GCN1: variants seen among roughly 807,000 people sequenced by gnomAD.
GCN1 encodes GCN1 activator of EIF2AK4.
GCN1 carries 90 observed loss-of-function variants against 288.4 expected under a neutral mutation model. That is an observed-to-expected ratio of 0.31 (90% CI 0.26 to 0.37). The LOEUF (loss-of-function observed/expected upper bound fraction) is 0.37. Ranked by LOEUF, GCN1 falls within the 10% of genes least tolerant of loss-of-function variation. GCN1 has a pLI of 1.00. For synonymous variants in GCN1, 1,386 were observed against 1,420.2 expected (o/e 0.98, Z 0.54); for missense variants, 2,586 against 3,419.9 (o/e 0.76, Z 6.08).
Position 120,153,091 on chromosome 12 carries a change from A to T in GCN1, c.4062+122T>A. On this transcript the variant is annotated intron_variant, in intron 33 of 57. Transcript: ENST00000300648. This position sits in a 1 kb window ranked among gnomAD's most constrained non-coding sequence, Gnocchi z 4.4. ...CCCCTGCGAGAGGGGGTGAATCCTT[A>T]ACAAGAACTGGGCTTTCAGGGCCCT... 1.3e-6 allele frequency: 1 copy of T among 756,594 alleles called. No homozygotes were observed. Among genetic ancestry groups the T allele is most frequent in the Non-Finnish European group, 2.2e-6 (1 of 462,350 alleles). The allele number at this position is 756,594 out of a possible 1,614,324, so 46.9% of individuals were successfully genotyped here.
At chr12:120,173,057 CTTT>C (rs963596285) in intron 14 of GCN1, among the ~76,000 whole-genome samples, 4 of 130,292 alleles carry the variant, frequency 3.1e-5, no homozygotes, top group East Asian at 4.3e-4. Context: ...TTAAACCAGT[CTTT>C]TTTTTTTTTT....
rs1427179972 is a variant in GCN1 at position 120,158,446 on chromosome 12, G to A, written c.2905+14C>T. 18 of 1,541,912 alleles carry A rather than the reference G, an allele frequency of 1.2e-5. No individual in the cohort carries two copies. Among genetic ancestry groups the A allele is most frequent in the Non-Finnish European group, 1.5e-5 (17 of 1,141,980 alleles). On this transcript the variant is annotated intron_variant, in intron 25 of 57. Coordinates refer to ENST00000300648, the MANE Select transcript of GCN1 (RefSeq NM_006836.2). The surrounding 1 kb of genome is among the most constrained non-coding windows in gnomAD (Gnocchi z 4.3). Reference sequence around the variant, plus strand: ...CACACCGCCTGGTGCCCCTGATCCCGTCCCAGCCCTTACCTGGCTCCCCCT... The same window carrying A: ...CACACCGCCTGGTGCCCCTGATCCCATCCCAGCCCTTACCTGGCTCCCCCT...
chr12:120,140,504 C>A (rs112371363), intron 45 of GCN1, among the ~76,000 whole-genome samples: 1,527 of 152,316 alleles, frequency 0.01, 28 homozygotes, highest in African/African-American at 0.035. Flanking sequence ...AGCTGTCCAT[C>A]CCCTTTCCCA....
rs1174149968 is a variant in GCN1 at position 120,175,858 on chromosome 12, G to A, written c.930C>T (p.Asn310=). The change falls in exon 11 of 58, where the codon AAC becomes AAT. Residue 310 remains asparagine (N), a synonymous_variant. Coordinates refer to ENST00000300648, the MANE Select transcript of GCN1 (RefSeq NM_006836.2). Reference sequence around the variant, plus strand: ...CAGCTTCATCCATCAGGCGGGGACTGTTGGATTTCAGGTGACCTGCACACA... The same window carrying A: ...CAGCTTCATCCATCAGGCGGGGACTATTGGATTTCAGGTGACCTGCACACA... ...VKGLAGHLKS[N]SPRLMDEAVL... The A allele has an allele frequency of 1.9e-6, 3 of 1,609,608 alleles. No homozygotes were observed. Among genetic ancestry groups the A allele is most frequent in the East Asian group, 2.2e-5 (1 of 44,840 alleles).
At position 120,156,793 on chromosome 12, in the gene GCN1, T is replaced by G; in HGVS notation, c.3168+119A>C. The G allele has an allele frequency of 1.1e-6, 1 of 944,204 alleles. No homozygotes were observed. The highest frequency in any genetic ancestry group is 1.7e-6 in the Non-Finnish European group (1 of 589,920). 58.5% of individuals were successfully genotyped at this position (944,204 alleles called of 1,614,324 possible). Reference sequence around the variant, plus strand: ...TCAGGCTGGCTCTCTAAAGCAGTCTTTCTACCAAAGTCCAAAAGTAAGGGC... The same window carrying G: ...TCAGGCTGGCTCTCTAAAGCAGTCTGTCTACCAAAGTCCAAAAGTAAGGGC... On this transcript the variant is annotated intron_variant, in intron 27 of 57. Transcript: ENST00000300648. The surrounding 1 kb of genome is among the most constrained non-coding windows in gnomAD (Gnocchi z 5.8).
Position 120,137,098 on chromosome 12 carries a change from A to G in GCN1, c.6777+108T>C, listed in dbSNP as rs1594260344. 1.3e-6 allele frequency: 1 copy of G among 782,450 alleles called. No individual in the cohort carries two copies. The highest frequency in any genetic ancestry group is 1.9e-5 in the Admixed American group (1 of 52,924). The allele number at this position is 782,450 out of a possible 1,614,324, so 48.5% of individuals were successfully genotyped here. ...GCGAAGGTGCTGAACACCAACCACC[A>G]CGGCTACTGCTCCAGCAGCCCCTAC... On this transcript the variant is annotated intron_variant, in intron 50 of 57. Transcript: ENST00000300648. This position sits in a 1 kb window ranked among gnomAD's most constrained non-coding sequence, Gnocchi z 5.2.
chr12:120,128,640 T>G (rs1200977456), intron 57 of GCN1, among the ~76,000 whole-genome samples: 1 of 151,638 alleles, frequency 6.6e-6, no homozygotes, highest in Non-Finnish European at 1.5e-5. Context: ...GCTGGCCAGC[T>G]TTTGGGCTTT....
intron 57 of GCN1, among the ~76,000 whole-genome samples, chr12:120,128,992 C>A (rs1206674408): frequency 2.0e-5 from 3 of 152,044 alleles, no homozygotes; most frequent in Admixed American, 2.0e-4. Context: ...AGCCGCCCAC[C>A]ACGCCTGGCT....
chr12:120,167,405 C>T lies in GCN1; in HGVS notation c.1612+803G>A, dbSNP rs527268333. Among the ~76,000 whole-genome samples, 5 of 149,396 alleles carry T rather than the reference C, an allele frequency of 3.3e-5. No individual in the cohort carries two copies. The South Asian group carries it at 6.4e-4, about 19-fold the overall frequency. ...GAAGTTCATTATATACTGATATGGA[C>T]TCATTTCCAGGTCTAGAAAGCACAG... is the stretch of plus-strand genomic sequence containing the variant. On this transcript the variant is annotated intron_variant, in intron 16 of 57. Coordinates refer to ENST00000300648, the MANE Select transcript of GCN1 (RefSeq NM_006836.2).
intron 45 of GCN1, among the ~76,000 whole-genome samples, chr12:120,139,877 G>A (rs1877134359): frequency 6.6e-6 from 1 of 152,090 alleles, no homozygotes; most frequent in Non-Finnish European, 1.5e-5. Context: ...AAGTCTTTGG[G>A]TCTACAATGG....
intron 22 of GCN1, among the ~76,000 whole-genome samples, chr12:120,160,946 G>A (rs1381850598): frequency 6.6e-6 from 1 of 152,180 alleles, no homozygotes; most frequent in African/African-American, 2.4e-5. Flanking sequence ...GGATAGGGTG[G>A]ACAAGCTGGC....
intron 5 of GCN1, among the ~76,000 whole-genome samples, chr12:120,181,672 T>A (rs1487238588): frequency 1.3e-5 from 2 of 151,184 alleles, no homozygotes; most frequent in Non-Finnish European, 2.9e-5. Context: ...AAACCCCGTC[T>A]CTAGTAAAAA....
At chr12:120,146,944 G>T (rs1272813453) in intron 38 of GCN1, 108 bp downstream of exon 38, 6 of 589,776 alleles carry the variant, frequency 1.0e-5, no homozygotes, top group Non-Finnish European at 1.6e-5. Flanking sequence ...AAATAATTAG[G>T]GACTAACGTC....
chr12:120,130,779 G>A (rs377763033), intron 55 of GCN1, 26 bp from the exon 56 acceptor site: 42 of 1,476,320 alleles, frequency 2.8e-5, no homozygotes, highest in East Asian at 4.5e-5. Context: ...AGCGCTAGAC[G>A]GGAGGCCCCC....
chr12:120,193,189 C>T (rs1454180108), intron 1 of GCN1, among the ~76,000 whole-genome samples: 1 of 152,242 alleles, frequency 6.6e-6, no homozygotes, highest in East Asian at 1.9e-4. Context: ...CCCATCTCTA[C>T]TAAAAATACA....
intron 13 of GCN1, 104 bp from the exon 14 acceptor site, chr12:120,173,930 G>T: frequency 2.7e-6 from 3 of 1,094,518 alleles, no homozygotes; most frequent in Non-Finnish European, 2.7e-6. Context: ...GGAGGAAGCA[G>T]TGATATTTCA....
rs1334593381 is a variant in GCN1, at chr12:120,131,353, T to G, written c.7415-20A>C. The G allele has an allele frequency of 1.2e-6, 2 of 1,612,564 alleles. No individual in the cohort carries two copies. The highest frequency in any genetic ancestry group is 4.5e-5 in the East Asian group (2 of 44,882). On this transcript the variant is annotated intron_variant, in intron 54 of 57. Transcript: ENST00000300648. ...CGTCCGCTGGGTGGAAGGACACGACTGGGATCAACCGGTATTTTACAGCAT... is the reference window on the plus strand; with the variant it reads ...CGTCCGCTGGGTGGAAGGACACGACGGGGATCAACCGGTATTTTACAGCAT...
chr12:120,183,711 G>A, intron 4 of GCN1, 34 bp from the exon 5 acceptor site: 1 of 1,286,938 alleles, frequency 7.8e-7, no homozygotes, highest in South Asian at 1.2e-5. Context: ...GTTCAGAGCA[G>A]CAGCCTCCAC....
chr12:120,163,461 T>C (rs1877999289), intron 18 of GCN1, among the ~76,000 whole-genome samples: 1 of 152,230 alleles, frequency 6.6e-6, no homozygotes, highest in Non-Finnish European at 1.5e-5. Context: ...CCTGTGGCTT[T>C]GCATCTAAAA....
Sources: allele counts gnomAD v4.1 joint callset (sites outside exome capture counted in the v4.1 genomes callset), GRCh38; gene constraint gnomAD v4.1.1; non-coding constraint Gnocchi (gnomAD v3.1); transcripts MANE v1.5; gene names NCBI Gene and HGNC (gene_info 2026-07-23, HGNC 2026-07-21).